Variants in ENPP2 observed in about 807,000 individuals in gnomAD.
ENPP2 encodes ectonucleotide pyrophosphatase/phosphodiesterase 2.
ENPP2 carries 51 observed loss-of-function variants against 120.2 expected under a neutral mutation model. The observed-to-expected ratio is 0.42, with a 90% CI of 0.34 to 0.54. ENPP2 has a LOEUF of 0.54. Ranked by LOEUF, ENPP2 falls within the 20% of genes least tolerant of loss-of-function variation. The pLI, the probability that ENPP2 is intolerant of heterozygous loss-of-function variation, is 0.04. For synonymous variants in ENPP2, 365 were observed against 366.4 expected (o/e 1.00, Z 0.04); for missense variants, 920 against 1,066.5 (o/e 0.86, Z 1.91).
rs16892758 is a variant in ENPP2 at position 119,563,073 on chromosome 8, T to C, written c.2265-60A>G. 9.2e-5 allele frequency: 134 copies of C among 1,454,208 alleles called. No homozygotes were observed. In the East Asian group the frequency reaches 3.1e-3, roughly 33 times the overall value. The allele number at this position is 1,454,208 out of a possible 1,614,324, so 90.1% of individuals were successfully genotyped here. ...TGAGTTGATGTTGAAGCTTTCTTTT[T>C]TAAATGGTGATCAATGAATATTGCC... On this transcript the variant is annotated intron_variant, in intron 23 of 24. Coordinates refer to ENST00000075322, the MANE Select transcript of ENPP2 (RefSeq NM_001040092.3).
chr8:119,650,556 G>T (rs1488496221), intron 1 of ENPP2, among the ~76,000 whole-genome samples: 1 of 152,188 alleles, frequency 6.6e-6, no homozygotes, highest in Admixed American at 6.5e-5. Flanking sequence ...GCATCTGGAT[G>T]CACAGAAAAG....
chr8:119,569,162 G>A, intron 21 of ENPP2, 73 bp downstream of exon 21: 2 of 1,459,634 alleles, frequency 1.4e-6, no homozygotes, highest in Non-Finnish European at 1.9e-6. Context: ...CCAAGCCACT[G>A]AAATTCCAAA....
chr8:119,665,961 G>T (rs1170255208), intron 1 of ENPP2, among the ~76,000 whole-genome samples: 1 of 152,174 alleles, frequency 6.6e-6, no homozygotes, highest in African/African-American at 2.4e-5. Context: ...TCAAGCAGGA[G>T]TTTGCCAAAC....
chr8:119,626,407 G>A (rs751105761), intron 3 of ENPP2, among the ~76,000 whole-genome samples, 158 bp downstream of exon 3: 1 of 152,164 alleles, frequency 6.6e-6, no homozygotes, highest in Non-Finnish European at 1.5e-5. Context: ...CATTGACATA[G>A]GGTATGCTCT....
intron 3 of ENPP2, among the ~76,000 whole-genome samples, chr8:119,621,738 T>C (rs1405503603): frequency 1.3e-5 from 2 of 152,164 alleles, no homozygotes; most frequent in African/African-American, 4.8e-5. Context: ...CAAAATGCAA[T>C]TGGGTTCCTT....
chr8:119,558,595 G>A (rs1813664791), intron 24 of ENPP2, among the ~76,000 whole-genome samples: 2 of 152,038 alleles, frequency 1.3e-5, no homozygotes, highest in Admixed American at 6.6e-5. Flanking sequence ...GGTAATTCAG[G>A]GGAAGCAGTT....
upstream of ENPP2, among the ~76,000 whole-genome samples, chr8:119,639,579 G>A (rs941703623): frequency 7.9e-5 from 12 of 151,380 alleles, no homozygotes; most frequent in African/African-American, 2.7e-4. Context: ...TCTTCTTCCC[G>A]TAAAGACTGT....
chr8:119,595,971 G>C, intron 11 of ENPP2: 1 of 1,613,960 alleles, frequency 6.2e-7, no homozygotes, highest in Non-Finnish European at 8.5e-7. Flanking sequence ...AGGTCTCTTA[G>C]CCGGAGTAAA....
chr8:119,609,169 A>G (rs1011998668), intron 8 of ENPP2, among the ~76,000 whole-genome samples: 1 of 152,204 alleles, frequency 6.6e-6, no homozygotes, highest in Admixed American at 6.5e-5. Flanking sequence ...AACATCCAGA[A>G]GCTTAACCAT....
chr8:119,646,059 C>A (rs1817438044), intron 1 of ENPP2, among the ~76,000 whole-genome samples: 1 of 151,776 alleles, frequency 6.6e-6, no homozygotes. Flanking sequence ...GCCTCCGCCT[C>A]CTGGGTTCAA....
chr8:119,634,590 T>C (rs1196454679), intron 2 of ENPP2, among the ~76,000 whole-genome samples: 6 of 152,204 alleles, frequency 3.9e-5, no homozygotes, highest in Non-Finnish European at 1.5e-5. Context: ...ATCCCCATTT[T>C]CCTGGTTGGA....
At position 119,570,740 on chromosome 8, in the gene ENPP2, T is replaced by C. The variant is rs148258074; in HGVS notation, c.1882A>G (p.Met628Val). ...FESGYSEIFLMPLWTSYTVSK... is the reference protein window; with the variant it reads ...FESGYSEIFLVPLWTSYTVSK... ...ACAGTATATGATGTCCAGAGTGGCA[T>C]TAGGAATATTTCACTATAACCACTT... Residue 628 changes from methionine to valine, a missense_variant, in exon 20 of 25, where the codon ATG becomes GTG. By Grantham distance (21) the Met-to-Val change is conservative. Coordinates refer to ENST00000075322, the MANE Select transcript of ENPP2 (RefSeq NM_001040092.3). 6.3e-6 allele frequency: 10 copies of C among 1,588,768 alleles called. No homozygotes were observed. The Admixed American group carries it at 1.2e-4, about 19-fold the overall frequency.
intron 11 of ENPP2, among the ~76,000 whole-genome samples, chr8:119,595,036 G>A (rs1446306363): frequency 6.6e-6 from 1 of 152,228 alleles, no homozygotes; most frequent in African/African-American, 2.4e-5. Context: ...AGAATAATCG[G>A]AAGGGACTAA....
At chr8:119,581,897 AT>A (rs1746414804) in intron 18 of ENPP2, among the ~76,000 whole-genome samples, 1 of 151,676 alleles carries the variant, frequency 6.6e-6, no homozygotes, top group East Asian at 1.9e-4. Context: ...TGCCCGGCTA[AT>A]TTTTTTGTGT....
At chr8:119,670,016 A>C (rs1302794558) in intron 1 of ENPP2, among the ~76,000 whole-genome samples, 2 of 152,174 alleles carry the variant, frequency 1.3e-5, no homozygotes, top group African/African-American at 4.8e-5. Context: ...TCTCTGGATC[A>C]AGCTTATCCA....
At chr8:119,630,261 A>G (rs1362259824) in intron 2 of ENPP2, among the ~76,000 whole-genome samples, 1 of 151,818 alleles carries the variant, frequency 6.6e-6, no homozygotes, top group East Asian at 1.9e-4. Flanking sequence ...GGCACCCACC[A>G]CCATGTCCAG....
chr8:119,632,279 G>A (rs1040179244), intron 2 of ENPP2, among the ~76,000 whole-genome samples: 3 of 152,272 alleles, frequency 2.0e-5, no homozygotes, highest in Non-Finnish European at 4.4e-5. Context: ...TGAGATGGCC[G>A]TAACAGCGCA....
intron 1 of ENPP2, among the ~76,000 whole-genome samples, chr8:119,644,625 T>TATATATATATAC (rs1327738777): frequency 1.6e-4 from 12 of 74,306 alleles, no homozygotes; most frequent in South Asian, 5.6e-4. Context: ...TATATATATA[T>TATATATATATAC]ACACACACAC....
upstream of ENPP2, among the ~76,000 whole-genome samples, chr8:119,639,177 G>A (rs1369367536): frequency 6.6e-6 from 1 of 152,194 alleles, no homozygotes; most frequent in African/African-American, 2.4e-5. Context: ...TGAAAACAGG[G>A]CTGTGCAAGG....
Sources: gnomAD v4.1 joint callset for allele counts (sites outside exome capture counted in the v4.1 genomes callset) on GRCh38, gnomAD v4.1.1 for gene constraint, MANE v1.5 for transcripts, NCBI Gene and HGNC (gene_info 2026-07-23, HGNC 2026-07-21) for gene names.